The following YTHDC2 variants were observed in gnomAD, a reference collection of about 807,000 sequenced individuals.
YTHDC2 encodes YTH N6-methyladenosine RNA binding protein C2, also known as 3'-5' RNA helicase YTHDC2.
Under a neutral mutation model 174.9 loss-of-function variants are expected in YTHDC2, and 45 were observed. The ratio of observed to expected loss-of-function variants is 0.26; its 90% CI spans 0.20 to 0.33. YTHDC2 has a LOEUF of 0.33. Among genes scored for constraint, YTHDC2 ranks in the 10% least tolerant of loss-of-function variants. The pLI is 1.00. For synonymous variants in YTHDC2, 657 were observed against 574.5 expected, an observed-to-expected ratio of 1.14 and a Z score of -2.05; for missense variants, 1,650 against 1,723.7, an observed-to-expected ratio of 0.96 and a Z score of 0.76.
intron 4 of YTHDC2, among the ~76,000 whole-genome samples, chr5:113,528,274 A>G (rs904620426): frequency 3.3e-5 from 5 of 152,162 alleles, no homozygotes; most frequent in African/African-American, 1.2e-4. Context: ...TAAATATTAT[A>G]CTCTTTGCTT....
At chr5:113,555,495 G>T (rs1776543860) in intron 16 of YTHDC2, among the ~76,000 whole-genome samples, 1 of 152,066 alleles carries the variant, frequency 6.6e-6, no homozygotes, top group Admixed American at 6.6e-5. Flanking sequence ...GATAACAATG[G>T]TTCTTTTTTA....
chr5:113,537,056 G>A (rs1186167516), intron 7 of YTHDC2, among the ~76,000 whole-genome samples: 3 of 151,884 alleles, frequency 2.0e-5, no homozygotes, highest in East Asian at 1.9e-4. Flanking sequence ...CCCCCGCCTC[G>A]CCCCTGCCAA....
chr5:113,542,264 T>G (rs1306181799), intron 9 of YTHDC2, 104 bp from the exon 10 acceptor site: 7 of 1,178,314 alleles, frequency 5.9e-6, no homozygotes, highest in Non-Finnish European at 2.4e-6. Context: ...TGCTATATTA[T>G]CATAGGATTA....
At chr5:113,561,880 C>A (rs1051673708) in intron 18 of YTHDC2, among the ~76,000 whole-genome samples, 24 of 151,758 alleles carry the variant, frequency 1.6e-4, no homozygotes, top group African/African-American at 5.1e-4. Flanking sequence ...ATATCCAAAT[C>A]TCACTATAAG....
chr5:113,533,372 G>C (rs1028184761), intron 5 of YTHDC2, among the ~76,000 whole-genome samples: 1 of 151,456 alleles, frequency 6.6e-6, no homozygotes, highest in Non-Finnish European at 1.5e-5. Context: ...GAGAAACCCT[G>C]TCTCTACTAA....
intron 23 of YTHDC2, among the ~76,000 whole-genome samples, chr5:113,577,454 C>T (rs982227209): frequency 6.6e-6 from 1 of 152,134 alleles, no homozygotes; most frequent in Non-Finnish European, 1.5e-5. Flanking sequence ...ACTGCAATCT[C>T]TGTCTCCCAG....
intron 12 of YTHDC2, among the ~76,000 whole-genome samples, chr5:113,552,783 G>T (rs965715537): frequency 2.0e-5 from 3 of 152,072 alleles, no homozygotes; most frequent in African/African-American, 7.2e-5. Flanking sequence ...CACCAGCAAT[G>T]CATGAGGGTT....
intron 2 of YTHDC2, among the ~76,000 whole-genome samples, chr5:113,519,891 A>G (rs1394688804): frequency 2.0e-5 from 3 of 152,134 alleles, no homozygotes; most frequent in Non-Finnish European, 4.4e-5. Context: ...TTTTCTTTTT[A>G]ATTTTATTTT....
rs1200926102 is a variant in YTHDC2 at position 113,548,620 on chromosome 5, G to A, written c.1575G>A (p.Gln525=). 4 of 1,613,516 alleles carry A rather than the reference G, an allele frequency of 2.5e-6. No individual in the cohort carries two copies. Among genetic ancestry groups the A allele is most frequent in the Non-Finnish European group, 3.4e-6 (4 of 1,179,710 alleles). The part of the protein sequence containing the change: ...AGRGFASQVE[Q]LISMGANVHS... ...GTGGCTTTGCAAGTCAAGTAGAACA[G>A]TTAATCAGTATGGGAGCCAATGTCC... is the stretch of plus-strand genomic sequence containing the variant. The change falls in exon 11 of 30, where the codon CAG becomes CAA. Residue 525 remains glutamine (Q), a synonymous_variant. Coordinates refer to ENST00000161863, the MANE Select transcript of YTHDC2 (RefSeq NM_022828.5).
intron 26 of YTHDC2, 130 bp from the exon 27 acceptor site, chr5:113,590,911 G>C: frequency 1.3e-6 from 1 of 741,370 alleles, no homozygotes; most frequent in East Asian, 2.7e-5. Context: ...AGACATGATA[G>C]AGCTATTTGC....
chr5:113,578,960 A>G (rs1778231382), intron 23 of YTHDC2, among the ~76,000 whole-genome samples: 1 of 152,094 alleles, frequency 6.6e-6, no homozygotes, highest in Non-Finnish European at 1.5e-5. Context: ...ATATTTTATA[A>G]TGCATTCTGT....
intron 22 of YTHDC2, 54 bp from the exon 23 acceptor site, chr5:113,567,600 A>G (rs962388442): frequency 4.3e-6 from 6 of 1,399,696 alleles, no homozygotes; most frequent in South Asian, 1.4e-5. Context: ...AGTATTTCCA[A>G]TAAACTAGGT....
rs564551400 is a variant in YTHDC2, at chr5:113,579,763, A to T, written c.3354+68A>T. ...TTAGTGTGAATTGATATATAATATG[A>T]TAAAATTTTTTTCTTTACTATTGAG... On this transcript the variant is annotated intron_variant, in intron 24 of 29. Transcript: ENST00000161863. The T allele has an allele frequency of 4.8e-5, 68 of 1,414,534 alleles. No homozygotes were observed. In the African/African-American group the frequency reaches 9.8e-4, roughly 20 times the overall value. The allele number at this position is 1,414,534 out of a possible 1,614,324, so 87.6% of individuals were successfully genotyped here.
At position 113,553,212 on chromosome 5, in the gene YTHDC2, A is replaced by G. The variant is rs1271090876; in HGVS notation, c.1720A>G (p.Ser574Gly). The change falls in exon 13 of 30, where the codon AGT becomes GGT. Residue 574 changes from serine (S) to glycine (G), a missense_variant. Coordinates refer to ENST00000161863, the MANE Select transcript of YTHDC2 (RefSeq NM_022828.5). ...ATLEFGNLDE[S>G]SLVQTNGSDL... Reference sequence around the variant, plus strand: ...ACTGGAATTTGGAAATCTAGATGAAAGTTCTCTGGTTCAAACAAATGGAAG... The same window carrying G: ...ACTGGAATTTGGAAATCTAGATGAAGGTTCTCTGGTTCAAACAAATGGAAG... 6.5e-7 allele frequency: 1 copy of G among 1,549,044 alleles called. No homozygotes were observed. Among genetic ancestry groups the G allele is most frequent in the Non-Finnish European group, 8.7e-7 (1 of 1,152,576 alleles).
At chr5:113,516,809 G>C (rs1580462337) in intron 2 of YTHDC2, among the ~76,000 whole-genome samples, 1 of 152,190 alleles carries the variant, frequency 6.6e-6, no homozygotes, top group East Asian at 1.9e-4. Flanking sequence ...CAAAGTGAAA[G>C]CAGCTGATGT....
chr5:113,581,819 C>A, intron 25 of YTHDC2, 110 bp downstream of exon 25: 1 of 955,296 alleles, frequency 1.0e-6, no homozygotes, highest in Non-Finnish European at 1.4e-6. Context: ...TTTTTATAAT[C>A]TAAGATCCAT....
In YTHDC2 at chr5:113,594,926, A is replaced by G. The variant is rs577278090; in HGVS notation, c.*1452A>G. 6.6e-6 allele frequency: 1 copy of G among 152,276 alleles called. No individual in the cohort carries two copies. The highest frequency in any genetic ancestry group is 2.1e-4 in the South Asian group (1 of 4,830). The allele number at this position is 152,276 out of a possible 1,614,324, so 9.4% of individuals were successfully genotyped here. A position where few individuals can be genotyped will look rare whatever the true frequency, so the allele number is the denominator to read the frequency against. On this transcript the variant is annotated 3_prime_UTR_variant, in exon 30 of 30. Coordinates refer to ENST00000161863, the MANE Select transcript of YTHDC2 (RefSeq NM_022828.5). ...GAAAGTCAGCTATGATTTTGCCTAT[A>G]GTTCTAGTTATTAGCTTTGGGGTTT...
At chr5:113,534,526 A>G (rs1774921258) in intron 6 of YTHDC2, 119 bp downstream of exon 6, 1 of 744,584 alleles carries the variant, frequency 1.3e-6, no homozygotes, top group African/African-American at 1.7e-5. Context: ...GGAATAGGGT[A>G]GAAAAGAGAA....
intron 9 of YTHDC2, among the ~76,000 whole-genome samples, chr5:113,541,401 CAGGGTGGTCTTGATCT>C (rs1350614956): frequency 6.6e-6 from 1 of 152,022 alleles, no homozygotes; most frequent in Admixed American, 6.5e-5. Flanking sequence ...CTGTGTTAGC[CAGGGTGGTCTTGATCT>C]CCTGATCTCG....
Sources: gnomAD v4.1 joint callset for allele counts (sites outside exome capture counted in the v4.1 genomes callset) on GRCh38, gnomAD v4.1.1 for gene constraint, MANE v1.5 for transcripts, NCBI Gene and HGNC (gene_info 2026-07-23, HGNC 2026-07-21) for gene names.